The following TCF12 variants were observed in gnomAD, a reference collection of about 807,000 sequenced individuals.
TCF12 encodes the protein transcription factor 12.
In TCF12, 45 loss-of-function variants were observed where a neutral mutation model predicts 86.0. The ratio of observed to expected loss-of-function variants is 0.52; its 90% CI spans 0.41 to 0.67. The LOEUF is 0.67. TCF12 is among the 30% of genes least tolerant of loss of function. TCF12 has a pLI of 0.00. For missense variants in TCF12, 881 were observed against 859.9 expected (o/e 1.02, Z -0.31); for synonymous variants, 330 against 299.6 (o/e 1.10, Z -1.05).
At chr15:56,998,346 A>G (rs1253547577) in intron 3 of TCF12, among the ~76,000 whole-genome samples, 1 of 151,938 alleles carries the variant, frequency 6.6e-6, no homozygotes, top group Non-Finnish European at 1.5e-5. Context: ...AGTCCCAGCT[A>G]CTAGGGAAGC....
chr15:57,211,596 C>T (rs2058101706), intron 8 of TCF12, among the ~76,000 whole-genome samples: 1 of 152,040 alleles, frequency 6.6e-6, no homozygotes, highest in Admixed American at 6.5e-5. Flanking sequence ...TTTTTTGGTT[C>T]AGCCTTTCAT....
chr15:57,061,764 T>G (rs1277960255), intron 3 of TCF12, among the ~76,000 whole-genome samples: 3 of 152,176 alleles, frequency 2.0e-5, no homozygotes, highest in African/African-American at 7.2e-5. Context: ...TAAAAGTGAT[T>G]TTTTAAAATA....
chr15:57,086,705 TA>T (rs34069853), intron 4 of TCF12, among the ~76,000 whole-genome samples: 94,671 of 105,372 alleles, frequency 0.9, 42,801 homozygotes, highest in Non-Finnish European at 0.96. Context: ...TCCCTCCCTT[TA>T]AAAAAAAAAA....
At chr15:57,142,326 T>TAGATAGAA (rs2053033656) in intron 5 of TCF12, among the ~76,000 whole-genome samples, 1 of 152,050 alleles carries the variant, frequency 6.6e-6, no homozygotes, top group Non-Finnish European at 1.5e-5. Context: ...GATAGATAGA[T>TAGATAGAA]AGATAGATAC....
chr15:57,163,259 G>C (rs909282692), intron 5 of TCF12, among the ~76,000 whole-genome samples: 15 of 152,042 alleles, frequency 9.9e-5, no homozygotes, highest in African/African-American at 3.4e-4. Flanking sequence ...TTATTGATAT[G>C]ATACATAATT....
intron 3 of TCF12, among the ~76,000 whole-genome samples, chr15:56,938,042 T>C (rs1466639568): frequency 7.2e-6 from 1 of 138,568 alleles, no homozygotes; most frequent in Non-Finnish European, 1.5e-5. Context: ...TTTCGTTTCT[T>C]TTCTTTTTTT....
chr15:57,050,690 G>A (rs192399645), intron 3 of TCF12, among the ~76,000 whole-genome samples: 136 of 152,184 alleles, frequency 8.9e-4, no homozygotes, highest in Non-Finnish European at 1.5e-3. Flanking sequence ...ACAGGTAGCT[G>A]AAACTATTAA....
intron 3 of TCF12, among the ~76,000 whole-genome samples, chr15:56,969,463 G>T (rs957103956): frequency 6.6e-6 from 1 of 151,322 alleles, no homozygotes. Context: ...AACAGGTTTT[G>T]GTTTCTTTTT....
chr15:57,007,792 C>CTTTCTTTCTTTCTT (rs1567241669), intron 3 of TCF12, among the ~76,000 whole-genome samples: 7 of 52,590 alleles, frequency 1.3e-4, no homozygotes, highest in East Asian at 7.5e-4. Context: ...CTTTCTTTCT[C>CTTTCTTTCTTTCTT]TCTTTCTTTC....
intron 3 of TCF12, among the ~76,000 whole-genome samples, chr15:56,983,654 C>T (rs28576265): frequency 0.046 from 6,929 of 151,716 alleles, 440 homozygotes; most frequent in African/African-American, 0.15. Flanking sequence ...CAGGTTTTAC[C>T]GTCAAATAAG....
intron 3 of TCF12, among the ~76,000 whole-genome samples, chr15:56,946,678 T>A (rs2061010893): frequency 6.6e-6 from 1 of 152,162 alleles, no homozygotes; most frequent in Non-Finnish European, 1.5e-5. Flanking sequence ...GTTTGGATTT[T>A]GTCATTTTTT....
At chr15:56,950,502 A>C (rs979770882) in intron 3 of TCF12, among the ~76,000 whole-genome samples, 1 of 152,186 alleles carries the variant, frequency 6.6e-6, no homozygotes, top group African/African-American at 2.4e-5. Context: ...CTGGGATTAC[A>C]GGCGTGAGCC....
chr15:57,030,335 C>G (rs939582683), intron 3 of TCF12, among the ~76,000 whole-genome samples: 1 of 152,170 alleles, frequency 6.6e-6, no homozygotes, highest in African/African-American at 2.4e-5. Flanking sequence ...AACTCCTGAG[C>G]TCAACTGATT....
chr15:57,233,472 G>A (rs898569386), intron 11 of TCF12, among the ~76,000 whole-genome samples: 2 of 151,946 alleles, frequency 1.3e-5, no homozygotes, highest in African/African-American at 4.8e-5. Flanking sequence ...CCCAGCACAC[G>A]TGGCCTCTTT....
chr15:57,043,541 G>A (rs1428268903), intron 3 of TCF12, among the ~76,000 whole-genome samples: 1 of 152,048 alleles, frequency 6.6e-6, no homozygotes, highest in Non-Finnish European at 1.5e-5. Flanking sequence ...GCATTTCCCT[G>A]ATGATCAGAT....
chr15:57,259,104 C>T (rs558849652), intron 16 of TCF12, among the ~76,000 whole-genome samples: 109 of 151,858 alleles, frequency 7.2e-4, no homozygotes, highest in Non-Finnish European at 1.3e-3. Flanking sequence ...TTTATTAAGA[C>T]GACATTATAG....
intron 3 of TCF12, among the ~76,000 whole-genome samples, chr15:56,970,479 C>CAAAAAAAAAAAAAAAAAAAAAAAAA (rs59118732): frequency 1.5e-5 from 1 of 65,476 alleles, no homozygotes; most frequent in Non-Finnish European, 2.7e-5. Context: ...GACTCCATCT[C>CAAAAAAAAAAAAAAAAAAAAAAAAA]AAAAAAAAAA....
chr15:57,223,731 A>C (rs1334629274), intron 8 of TCF12, among the ~76,000 whole-genome samples: 6 of 148,014 alleles, frequency 4.1e-5, no homozygotes, highest in Admixed American at 2.7e-4. Context: ...CTTATTTTTA[A>C]AACAAACATT....
chr15:57,074,219 T>C (rs2069674373), intron 4 of TCF12, among the ~76,000 whole-genome samples: 2 of 152,198 alleles, frequency 1.3e-5, no homozygotes, highest in Admixed American at 1.3e-4. Context: ...GCCTCAGATT[T>C]CTCATCTCCA....
Sources: gnomAD v4.1 joint callset for allele counts (sites outside exome capture counted in the v4.1 genomes callset) on GRCh38, gnomAD v4.1.1 for gene constraint, MANE v1.5 for transcripts, NCBI Gene and HGNC (gene_info 2026-07-23, HGNC 2026-07-21) for gene names.